Variants in GAPDH observed in about 807,000 individuals in gnomAD.
GAPDH encodes the protein OCAS, p38 component.
A neutral mutation model predicts 31.2 loss-of-function variants in GAPDH; 13 were observed. That is an observed-to-expected ratio of 0.42 (90% CI 0.27 to 0.66). The LOEUF is 0.66. Ranked by LOEUF, GAPDH falls within the 30% of genes least tolerant of loss-of-function variation. GAPDH has a pLI of 0.26. For missense variants in GAPDH, 300 were observed against 443.7 expected (o/e 0.68, Z 2.91); for synonymous variants, 211 against 166.9 (o/e 1.26, Z -2.04).
intron 1 of GAPDH, 76 bp downstream of exon 1, chr12:6,534,645 G>T: frequency 3.0e-6 from 2 of 675,892 alleles, no homozygotes; most frequent in Non-Finnish European, 2.6e-6. Flanking sequence ...GGCCGGATGT[G>T]TTCGCGCCGC....
chr12:6,535,038 C>T (rs1032059839), intron 2 of GAPDH, 177 bp downstream of exon 2: 28 of 819,908 alleles, frequency 3.4e-5, no homozygotes, highest in African/African-American at 3.1e-4. Flanking sequence ...CTGTGGCGCC[C>T]TGTGCAGCTC....
Position 6,537,167 on chromosome 12 carries a change from G to A in GAPDH, c.394G>A (p.Val132Ile), listed in dbSNP as rs745721511. ...SAPSADAPMF[V>I]MGVNHEKYDN... ...CCCCTCTGCTGATGCCCCCATGTTC[G>A]TCATGGGTGTGAACCATGAGAAGTA... The change falls in exon 6 of 9, where the codon GTC (valine) becomes ATC (isoleucine). Residue 132 changes from valine to isoleucine, a missense_variant. Transcript: ENST00000229239. This position sits in a 1 kb window ranked among gnomAD's most constrained non-coding sequence, Gnocchi z 4.9. 5.6e-6 allele frequency: 9 copies of A among 1,613,514 alleles called. No homozygotes were observed. The highest frequency in any genetic ancestry group is 2.2e-5 in the East Asian group (1 of 44,878).
chr12:6,536,725 T>C lies in GAPDH; in HGVS notation c.171T>C (p.His57=). 1.2e-6 allele frequency: 2 copies of C among 1,614,040 alleles called. No homozygotes were observed. Among genetic ancestry groups the C allele is most frequent in the Non-Finnish European group, 1.7e-6 (2 of 1,179,986 alleles). The change falls in exon 4 of 9, where the codon CAT becomes CAC. Residue 57 remains histidine (H), a synonymous_variant. Transcript: ENST00000229239. ...FQYDSTHGKF[H]GTVKAENGKL... ...ATGATTCCACCCATGGCAAATTCCA[T>C]GGCACCGTCAAGGCTGAGAACGGGA...
At position 6,537,522 on chromosome 12, in the gene GAPDH, G is replaced by A. The variant is rs1400839189; in HGVS notation, c.526-62G>A. Reference sequence around the variant, plus strand: ...GGCTTTCCCATAATTTCCTTTCAAGGTGGGGAGGGAGGTAGAGGGGTGATG... The same window carrying A: ...GGCTTTCCCATAATTTCCTTTCAAGATGGGGAGGGAGGTAGAGGGGTGATG... On this transcript the variant is annotated intron_variant, in intron 7 of 8. Coordinates refer to ENST00000229239, the MANE Select transcript of GAPDH (RefSeq NM_002046.7). This position sits in a 1 kb window ranked among gnomAD's most constrained non-coding sequence, Gnocchi z 4.9. 6.3e-7 allele frequency: 1 copy of A among 1,588,172 alleles called. No individual in the cohort carries two copies. Among genetic ancestry groups the A allele is most frequent in the Non-Finnish European group, 8.6e-7 (1 of 1,165,272 alleles).
In GAPDH at chr12:6,536,959, T is replaced by C; in HGVS notation, c.276T>C (p.Ala92=). ...PSKIKWGDAG[A]EYVVESTGVF... ...AAATCAAGTGGGGCGATGCTGGCGC[T>C]GAGTACGTCGTGGAGTCCACTGGCG... Residue 92 remains alanine (A), a synonymous_variant, in exon 5 of 9, where the codon GCT becomes GCC. Transcript: ENST00000229239. The C allele has an allele frequency of 6.2e-7, 1 of 1,613,492 alleles. No individual in the cohort carries two copies. The highest frequency in any genetic ancestry group is 8.5e-7 in the Non-Finnish European group (1 of 1,179,844).
chr12:6,534,521 T>G lies in GAPDH; in HGVS notation c.-72T>G, dbSNP rs947590041. ...GAGCCCGCAGCCTCCCGCTTCGCTC[T>G]CTGCTCCTCCTGTTCGACAGTCAGC... On this transcript the variant is annotated 5_prime_UTR_variant, in exon 1 of 9. Transcript: ENST00000229239. 1.1e-4 allele frequency: 48 copies of G among 448,200 alleles called. No individual in the cohort carries two copies. The highest frequency in any genetic ancestry group is 9.3e-4 in the South Asian group (43 of 46,190). 27.8% of individuals were successfully genotyped at this position (448,200 alleles called of 1,614,324 possible). A position where few individuals can be genotyped will look rare whatever the true frequency, so the allele number is the denominator to read the frequency against.
chr12:6,538,057 G>A (rs1179519922), intron 8 of GAPDH, 44 bp from the exon 9 acceptor site: 1 of 1,599,296 alleles, frequency 6.3e-7, no homozygotes, highest in Non-Finnish European at 8.5e-7. Flanking sequence ...CCCTCTGGTG[G>A]CTGGCTCAGA....
chr12:6,534,914 G>A, intron 2 of GAPDH, 53 bp downstream of exon 2: 1 of 1,593,842 alleles, frequency 6.3e-7, no homozygotes, highest in Non-Finnish European at 8.6e-7. Flanking sequence ...CCCGAACCGC[G>A]TCTACGAGCC....
intron 2 of GAPDH, among the ~76,000 whole-genome samples, chr12:6,536,068 A>G (rs979128891): frequency 2.0e-5 from 3 of 152,280 alleles, no homozygotes; most frequent in East Asian, 1.9e-4. Flanking sequence ...CTGTCCAGTT[A>G]ATTTCTGACC....
At chr12:6,536,442 A>C in intron 2 of GAPDH, 52 bp from the exon 3 acceptor site, 1 of 1,348,788 alleles carries the variant, frequency 7.4e-7, no homozygotes, top group Non-Finnish European at 1.1e-6. Context: ...GGCTGCTCAC[A>C]TATTCTGGAG....
rs1461855473 is a variant in GAPDH at position 6,538,164 on chromosome 12, G to A, written c.1002G>A (p.Lys334=). The A allele has an allele frequency of 3.7e-6, 6 of 1,608,970 alleles. No homozygotes were observed. Among genetic ancestry groups the A allele is most frequent in the South Asian group, 1.1e-5 (1 of 91,026 alleles). The change falls in exon 9 of 9, where the codon AAG becomes AAA. Residue 334 remains lysine (K), a synonymous_variant. Coordinates refer to ENST00000229239, the MANE Select transcript of GAPDH (RefSeq NM_002046.7). ...ACCTCATGGCCCACATGGCCTCCAA[G>A]GAGTAAGACCCCTGGACCACCAGCC... ...VVDLMAHMAS[K]E
At chr12:6,536,025 G>A (rs1174755671) in intron 2 of GAPDH, among the ~76,000 whole-genome samples, 1 of 152,212 alleles carries the variant, frequency 6.6e-6, no homozygotes, top group African/African-American at 2.4e-5. Flanking sequence ...TGTCCCTTTT[G>A]TAGGAGGGAC....
intron 2 of GAPDH, among the ~76,000 whole-genome samples, 200 bp from the exon 3 acceptor site, chr12:6,536,294 T>C (rs1358912709): frequency 3.3e-5 from 5 of 152,132 alleles, no homozygotes; most frequent in African/African-American, 9.7e-5. Context: ...TGGGCAGCCC[T>C]GGAGCCTTCA....
chr12:6,537,321 C>T lies in GAPDH; in HGVS notation c.456C>T (p.Cys152=), dbSNP rs1946497567. Residue 152 remains cysteine, a synonymous_variant, in exon 7 of 9, where the codon TGC becomes TGT. Coordinates refer to ENST00000229239, the MANE Select transcript of GAPDH (RefSeq NM_002046.7). This position sits in a 1 kb window ranked among gnomAD's most constrained non-coding sequence, Gnocchi z 4.9. ...TCTTTCTTTGCAGCAATGCCTCCTG[C>T]ACCACCAACTGCTTAGCACCCCTGG... is the stretch of plus-strand genomic sequence containing the variant. ...NSLKIISNAS[C]TTNCLAPLAK... The T allele has an allele frequency of 3.1e-6, 5 of 1,610,832 alleles. No individual in the cohort carries two copies. The highest frequency in any genetic ancestry group is 3.3e-5 in the Admixed American group (2 of 60,006).
rs554226075 is a variant in GAPDH at position 6,536,606 on chromosome 12, T to C, written c.129+13T>C. 1 of 1,611,506 alleles carries C rather than the reference T, an allele frequency of 6.2e-7. No individual in the cohort carries two copies. Among genetic ancestry groups the C allele is most frequent in the Admixed American group, 1.7e-5 (1 of 60,012 alleles). The stretch of plus-strand genomic sequence containing the variant: ...CCTCAACTACATGGTGAGTGCTACA[T>C]GGTGAGCCCCAAAGCTGGTGTGGGA... On this transcript the variant is annotated intron_variant, in intron 3 of 8. Transcript: ENST00000229239.
rs931041432 is a variant in GAPDH at position 6,535,063 on chromosome 12, C to T, written c.29+202C>T. 5.1e-6 allele frequency: 4 copies of T among 787,186 alleles called. No homozygotes were observed. In the South Asian group the frequency reaches 7.7e-5, roughly 15 times the overall value. The allele number at this position is 787,186 out of a possible 1,614,324, so 48.8% of individuals were successfully genotyped here. ...CTGTGCAGCTCCGCCCTTGCGGCGCCATCTGCCCGGAGCCTCCTTCCCCTA... is the reference window on the plus strand; with the variant it reads ...CTGTGCAGCTCCGCCCTTGCGGCGCTATCTGCCCGGAGCCTCCTTCCCCTA... On this transcript the variant is annotated intron_variant, in intron 2 of 8. Coordinates refer to ENST00000229239, the MANE Select transcript of GAPDH (RefSeq NM_002046.7).
Position 6,537,268 on chromosome 12 carries a change from A to G in GAPDH, c.444-41A>G. ...GCGGCCAGCCTGGCACCCTATGGACACGCTCCCCTGACTTGCGCCCCGCTC... is the reference window on the plus strand; with the variant it reads ...GCGGCCAGCCTGGCACCCTATGGACGCGCTCCCCTGACTTGCGCCCCGCTC... On this transcript the variant is annotated intron_variant, in intron 6 of 8. Coordinates refer to ENST00000229239, the MANE Select transcript of GAPDH (RefSeq NM_002046.7). This position sits in a 1 kb window ranked among gnomAD's most constrained non-coding sequence, Gnocchi z 4.9. 1 of 1,598,614 alleles carries G rather than the reference A, an allele frequency of 6.3e-7. No individual in the cohort carries two copies. Among genetic ancestry groups the G allele is most frequent in the Non-Finnish European group, 8.5e-7 (1 of 1,176,814 alleles).
intron 2 of GAPDH, 29 bp downstream of exon 2, chr12:6,534,890 G>A: frequency 1.2e-6 from 2 of 1,610,602 alleles, no homozygotes; most frequent in Non-Finnish European, 1.7e-6. Context: ...GGGGGGCCCT[G>A]GGCTGCGACC....
At chr12:6,536,122 G>A (rs547793806) in intron 2 of GAPDH, among the ~76,000 whole-genome samples, 1 of 152,210 alleles carries the variant, frequency 6.6e-6, no homozygotes, top group African/African-American at 2.4e-5. Flanking sequence ...GTGTACAAGC[G>A]TTTTCTCCCT....
Sources: allele counts gnomAD v4.1 joint callset (sites outside exome capture counted in the v4.1 genomes callset), GRCh38; gene constraint gnomAD v4.1.1; non-coding constraint Gnocchi (gnomAD v3.1); transcripts MANE v1.5; gene names NCBI Gene and HGNC (gene_info 2026-07-23, HGNC 2026-07-21).